The following RNF168 variants were observed in gnomAD, a reference collection of about 807,000 sequenced individuals.
RNF168 encodes the protein ring finger protein 168.
In RNF168, 34 loss-of-function variants were observed where a neutral mutation model predicts 34.9. The observed-to-expected ratio is 0.97, with a 90% CI of 0.74 to 1.30. RNF168 has a LOEUF of 1.30. RNF168 is among the 50% of genes most tolerant of loss of function. The probability of loss-of-function intolerance (pLI) is 0.00; values close to 1 mark genes in which losing one functional copy is unlikely to be tolerated. For missense variants in RNF168, 725 were observed against 682.5 expected (o/e 1.06, Z -0.69); for synonymous variants, 264 against 254.7 (o/e 1.04, Z -0.35).
intron 3 of RNF168, among the ~76,000 whole-genome samples, 172 bp downstream of exon 3, chr3:196,487,227 T>G (rs1477900596): frequency 6.6e-6 from 1 of 152,222 alleles, no homozygotes; most frequent in Non-Finnish European, 1.5e-5. Flanking sequence ...TAGTTAGCTT[T>G]CCGTATCAGC....
chr3:196,483,731 T>G, intron 4 of RNF168, 39 bp downstream of exon 4: 3 of 1,564,886 alleles, frequency 1.9e-6, no homozygotes, highest in Non-Finnish European at 2.6e-6. Flanking sequence ...TGGCATACAG[T>G]AGGAGGTCAA....
At chr3:196,497,261 T>G (rs1396592652) in intron 1 of RNF168, among the ~76,000 whole-genome samples, 3 of 152,292 alleles carry the variant, frequency 2.0e-5, no homozygotes, top group African/African-American at 4.8e-5. Flanking sequence ...TTTTAAAAAG[T>G]CTTTTCAACA....
chr3:196,472,255 T>G lies in RNF168; in HGVS notation c.1280A>C (p.Gln427Pro). 1 of 1,614,108 alleles carries G rather than the reference T, an allele frequency of 6.2e-7. No homozygotes were observed. The highest frequency in any genetic ancestry group is 8.5e-7 in the Non-Finnish European group (1 of 1,179,946). Residue 427 changes from glutamine (Q) to proline (P), a missense_variant, in exon 6 of 6, where the codon CAA becomes CCA. Physicochemically the swap from Gln to Pro is moderately conservative, Grantham distance 76. Transcript: ENST00000318037. ...DQEETEINFT[Q>P]KLIDLEHLLF... ...TAGATGCTCCAAATCTATCAGTTTTTGGGTAAAGTTTATTTCTGTTTCCTC... is the reference window on the plus strand; with the variant it reads ...TAGATGCTCCAAATCTATCAGTTTTGGGGTAAAGTTTATTTCTGTTTCCTC...
chr3:196,477,880 C>A (rs1732185121), intron 4 of RNF168, among the ~76,000 whole-genome samples: 1 of 151,720 alleles, frequency 6.6e-6, no homozygotes, highest in South Asian at 2.1e-4. Flanking sequence ...GGCCAGGAGT[C>A]CGAAAACTGG....
intron 3 of RNF168, among the ~76,000 whole-genome samples, chr3:196,486,196 C>A (rs1218649402): frequency 6.6e-6 from 1 of 152,014 alleles, no homozygotes; most frequent in Non-Finnish European, 1.5e-5. Context: ...TGATTTACAT[C>A]CATAAAATGG....
At chr3:196,475,974 C>T (rs147191711) in intron 4 of RNF168, among the ~76,000 whole-genome samples, 3,213 of 152,016 alleles carry the variant, frequency 0.021, 129 homozygotes, top group African/African-American at 0.074. Flanking sequence ...ATTTTTCTGC[C>T]TTAGCCTCCT....
At chr3:196,480,047 G>C (rs1041203159) in intron 4 of RNF168, among the ~76,000 whole-genome samples, 2 of 118,608 alleles carry the variant, frequency 1.7e-5, no homozygotes, top group African/African-American at 3.6e-5. Flanking sequence ...AAGGGCACAA[G>C]CAAACCTTTG....
chr3:196,495,255 CTCA>C (rs1314556669), intron 1 of RNF168, among the ~76,000 whole-genome samples: 1 of 151,992 alleles, frequency 6.6e-6, no homozygotes, highest in African/African-American at 2.4e-5. Flanking sequence ...ACGTGTCCAC[CTCA>C]TAAGAGATGC....
At chr3:196,500,345 C>T (rs1462344441) in intron 1 of RNF168, among the ~76,000 whole-genome samples, 1 of 152,180 alleles carries the variant, frequency 6.6e-6, no homozygotes, top group Non-Finnish European at 1.5e-5. Flanking sequence ...GGAATGCTGT[C>T]ACATGCAGTA....
At chr3:196,498,074 TG>T (rs1488296483) in intron 1 of RNF168, among the ~76,000 whole-genome samples, 1 of 152,192 alleles carries the variant, frequency 6.6e-6, no homozygotes, top group Non-Finnish European at 1.5e-5. Context: ...CATCAAAAGT[TG>T]GTAAGATGTA....
intron 3 of RNF168, 21 bp from the exon 4 acceptor site, chr3:196,483,912 T>A: frequency 2.5e-6 from 4 of 1,574,030 alleles, no homozygotes; most frequent in East Asian, 2.2e-5. Flanking sequence ...AGAAAAAGCA[T>A]AACAGACATT....
chr3:196,484,649 G>A (rs1577514805), intron 3 of RNF168, among the ~76,000 whole-genome samples: 2 of 151,582 alleles, frequency 1.3e-5, no homozygotes, highest in South Asian at 4.2e-4. Context: ...GCTTGGTTAG[G>A]TGGGTTGTTT....
intron 4 of RNF168, among the ~76,000 whole-genome samples, chr3:196,479,798 G>A (rs1732243936): frequency 6.6e-6 from 1 of 151,736 alleles, no homozygotes; most frequent in Admixed American, 6.6e-5. Flanking sequence ...CACCATGTTG[G>A]CCAGGCTGGT....
intron 5 of RNF168, among the ~76,000 whole-genome samples, chr3:196,473,793 C>T (rs1237570174): frequency 6.6e-6 from 1 of 151,536 alleles, no homozygotes; most frequent in Non-Finnish European, 1.5e-5. Context: ...CCAGCCTGGA[C>T]GATGGATTCT....
chr3:196,489,333 T>C (rs900743283), intron 1 of RNF168, among the ~76,000 whole-genome samples: 1 of 119,886 alleles, frequency 8.3e-6, no homozygotes, highest in Admixed American at 7.7e-5. Context: ...AAAAAAAATG[T>C]TTTTTTTTTT....
intron 5 of RNF168, among the ~76,000 whole-genome samples, chr3:196,473,671 A>G (rs1377359254): frequency 6.6e-6 from 1 of 152,188 alleles, no homozygotes; most frequent in African/African-American, 2.4e-5. Context: ...CCTGGCCAAC[A>G]TGATGAAACC....
chr3:196,495,704 A>C (rs562748016), intron 1 of RNF168, among the ~76,000 whole-genome samples: 1 of 152,348 alleles, frequency 6.6e-6, no homozygotes, highest in South Asian at 2.1e-4. Flanking sequence ...TTTGTAATTA[A>C]TAAGCAATCT....
intron 1 of RNF168, among the ~76,000 whole-genome samples, chr3:196,491,257 G>T (rs1732589057): frequency 6.6e-6 from 1 of 152,120 alleles, no homozygotes; most frequent in Admixed American, 6.6e-5. Flanking sequence ...AGGCTGCAGT[G>T]AGCCGACATT....
chr3:196,491,742 G>T (rs542000010), intron 1 of RNF168, among the ~76,000 whole-genome samples: 131 of 149,630 alleles, frequency 8.8e-4, no homozygotes, highest in African/African-American at 2.5e-3. Flanking sequence ...CCAACACTTG[G>T]TTTTTTTTTT....
Sources: gnomAD v4.1 joint callset for allele counts (sites outside exome capture counted in the v4.1 genomes callset) on GRCh38, gnomAD v4.1.1 for gene constraint, MANE v1.5 for transcripts, NCBI Gene and HGNC (gene_info 2026-07-23, HGNC 2026-07-21) for gene names.